FAM81B: variants seen among roughly 807,000 people sequenced by gnomAD.
FAM81B encodes protein FAM81B.
A neutral mutation model predicts 58.7 loss-of-function variants in FAM81B; 60 were observed. The observed-to-expected ratio is 1.02, with a 90% CI of 0.83 to 1.27. The LOEUF (loss-of-function observed/expected upper bound fraction) is 1.27. FAM81B is among the 50% of genes most tolerant of loss of function. The pLI is 0.00. For synonymous variants in FAM81B, 189 were observed against 179.6 expected (o/e 1.05, Z -0.42); for missense variants, 491 against 522.0 (o/e 0.94, Z 0.58).
At chr5:95,426,832 A>C (rs1187829521) in intron 5 of FAM81B, among the ~76,000 whole-genome samples, 1 of 152,142 alleles carries the variant, frequency 6.6e-6, no homozygotes, top group Admixed American at 6.5e-5. Flanking sequence ...GCCGATCACG[A>C]GGTCAGGAGC....
intron 5 of FAM81B, among the ~76,000 whole-genome samples, chr5:95,424,699 CA>C (rs1762777784): frequency 6.6e-6 from 1 of 152,174 alleles, no homozygotes; most frequent in East Asian, 1.9e-4. Flanking sequence ...ACAGAATTTT[CA>C]AAAGGCTTCA....
intron 3 of FAM81B, among the ~76,000 whole-genome samples, chr5:95,405,488 T>G (rs2152761800): frequency 6.6e-6 from 1 of 152,360 alleles, no homozygotes; most frequent in African/African-American, 2.4e-5. Context: ...TTTCTAGTTT[T>G]TCTTATTTTA....
intron 6 of FAM81B, among the ~76,000 whole-genome samples, chr5:95,431,564 T>C (rs1188761673): frequency 6.6e-6 from 1 of 152,006 alleles, no homozygotes; most frequent in African/African-American, 2.4e-5. Flanking sequence ...AGAATTGACA[T>C]AGTCATAATG....
At chr5:95,433,218 C>A (rs1312691475) in intron 6 of FAM81B, among the ~76,000 whole-genome samples, 1 of 151,818 alleles carries the variant, frequency 6.6e-6, no homozygotes, top group African/African-American at 2.4e-5. Context: ...ACTCATAGTT[C>A]CACATGGCTG....
intron 2 of FAM81B, among the ~76,000 whole-genome samples, chr5:95,394,911 T>G (rs556379349): frequency 6.6e-6 from 1 of 152,158 alleles, no homozygotes; most frequent in South Asian, 2.1e-4. Flanking sequence ...AGTAATTCCT[T>G]GGGCATTTGA....
chr5:95,408,440 T>G (rs1406385113), intron 3 of FAM81B, among the ~76,000 whole-genome samples: 1 of 152,230 alleles, frequency 6.6e-6, no homozygotes, highest in South Asian at 2.1e-4. Flanking sequence ...CTCCTCAACA[T>G]AGAATTATCA....
At chr5:95,421,659 G>T (rs1468879583) in intron 5 of FAM81B, among the ~76,000 whole-genome samples, 1 of 131,848 alleles carries the variant, frequency 7.6e-6, no homozygotes, top group African/African-American at 2.7e-5. Context: ...CATTCTAGTT[G>T]CAGTGAATTG....
In FAM81B at chr5:95,448,301, G is replaced by T. The variant is rs1330140618; in HGVS notation, c.1062G>T (p.Leu354=). ...EKSENKMEEK[L]LQLSSKVENF... is the part of the protein sequence containing the mutation. ...CTGAAAATAAAATGGAAGAAAAACT[G>T]CTGCAGCTTTCAAGCAAAGTAGAGA... is the stretch of plus-strand genomic sequence containing the variant. The change falls in exon 9 of 10, where the codon CTG becomes CTT. Residue 354 remains leucine, a synonymous_variant. Coordinates refer to ENST00000283357, the MANE Select transcript of FAM81B (RefSeq NM_152548.3). The T allele has an allele frequency of 6.2e-7, 1 of 1,605,858 alleles. No individual in the cohort carries two copies. The highest frequency in any genetic ancestry group is 1.3e-5 in the African/African-American group (1 of 74,358).
chr5:95,396,028 TA>T, intron 2 of FAM81B, 82 bp from the exon 3 acceptor site: 1 of 1,125,058 alleles, frequency 8.9e-7, no homozygotes, highest in Non-Finnish European at 1.3e-6. Flanking sequence ...TGTTTAAAAT[TA>T]AAACTCTTTA....
intron 3 of FAM81B, among the ~76,000 whole-genome samples, chr5:95,401,324 G>A (rs1024966430): frequency 1.2e-4 from 18 of 152,010 alleles, no homozygotes; most frequent in African/African-American, 4.3e-4. Flanking sequence ...CTCTGTGCTG[G>A]CCCAGCCCTG....
In FAM81B at chr5:95,450,103, C is replaced by G. The variant is rs192114736; in HGVS notation, c.1226-46C>G. ...GATTAGCAACTTTTTTAAAAAAAAGCTCTAATGCATTGTTTAAGTGTACCT... is the reference window on the plus strand; with the variant it reads ...GATTAGCAACTTTTTTAAAAAAAAGGTCTAATGCATTGTTTAAGTGTACCT... On this transcript the variant is annotated intron_variant, in intron 9 of 9. Coordinates refer to ENST00000283357, the MANE Select transcript of FAM81B (RefSeq NM_152548.3). 5.4e-4 allele frequency: 827 copies of G among 1,540,804 alleles called. 4 individuals carry two copies. The highest frequency in any genetic ancestry group is 1.7e-4 in the Non-Finnish European group (198 of 1,151,804).
intron 2 of FAM81B, 89 bp from the exon 3 acceptor site, chr5:95,396,022 T>C: frequency 9.3e-7 from 1 of 1,073,732 alleles, no homozygotes; most frequent in African/African-American, 1.6e-5. Flanking sequence ...ACATTTTGTT[T>C]AAAATTAAAA....
chr5:95,422,972 G>C (rs1355935987), intron 5 of FAM81B, among the ~76,000 whole-genome samples: 2 of 151,966 alleles, frequency 1.3e-5, no homozygotes, highest in African/African-American at 4.8e-5. Context: ...AAATCTATTT[G>C]GCAATCTGAG....
At chr5:95,399,489 C>G (rs564336823) in intron 3 of FAM81B, among the ~76,000 whole-genome samples, 7 of 152,056 alleles carry the variant, frequency 4.6e-5, no homozygotes, top group African/African-American at 1.2e-4. Context: ...TGCCCCCCCC[C>G]ACCCACCTGT....
intron 7 of FAM81B, among the ~76,000 whole-genome samples, chr5:95,445,950 C>G (rs1316701379): frequency 1.3e-5 from 2 of 152,124 alleles, no homozygotes; most frequent in Non-Finnish European, 2.9e-5. Flanking sequence ...CACATTTACC[C>G]ACAGCTAAGA....
At chr5:95,430,380 A>ACT (rs1554045484) in intron 6 of FAM81B, among the ~76,000 whole-genome samples, 89 of 100,836 alleles carry the variant, frequency 8.8e-4, no homozygotes, top group African/African-American at 5.7e-3. Flanking sequence ...GCACAAAAAT[A>ACT]GTGTATATAT....
chr5:95,429,089 G>A (rs1459003872), intron 6 of FAM81B, among the ~76,000 whole-genome samples: 1 of 152,114 alleles, frequency 6.6e-6, no homozygotes, highest in African/African-American at 2.4e-5. Context: ...ATTATTAAAA[G>A]TCCAACATAA....
intron 6 of FAM81B, among the ~76,000 whole-genome samples, chr5:95,436,524 A>G (rs1745106726): frequency 6.6e-6 from 1 of 152,208 alleles, no homozygotes; most frequent in Admixed American, 6.5e-5. Flanking sequence ...TGTTTTTGTT[A>G]TATCATTAGA....
intron 3 of FAM81B, among the ~76,000 whole-genome samples, chr5:95,401,150 G>A (rs1337470982): frequency 6.6e-6 from 1 of 152,070 alleles, no homozygotes; most frequent in Non-Finnish European, 1.5e-5. Context: ...ATCGTACCAG[G>A]CACATCACTC....
Sources: allele counts gnomAD v4.1 joint callset (sites outside exome capture counted in the v4.1 genomes callset), GRCh38; gene constraint gnomAD v4.1.1; transcripts MANE v1.5; gene names NCBI Gene and HGNC (gene_info 2026-07-23, HGNC 2026-07-21).